SIPA1L3: variants seen among roughly 807,000 people sequenced by gnomAD.
SIPA1L3 encodes signal induced proliferation associated 1 like 3, also known as signal-induced proliferation-associated 1-like protein 3.
Under a neutral mutation model 150.1 loss-of-function variants are expected in SIPA1L3, and 59 were observed. The ratio of observed to expected loss-of-function variants is 0.39; its 90% CI spans 0.32 to 0.49. SIPA1L3 has a LOEUF of 0.49. SIPA1L3 is among the 20% of genes least tolerant of loss of function. SIPA1L3 has a pLI of 0.86. For synonymous variants in SIPA1L3, 1,070 were observed against 1,077.6 expected, an observed-to-expected ratio of 0.99 and a Z score of 0.14; for missense variants, 2,211 against 2,489.5, an observed-to-expected ratio of 0.89 and a Z score of 2.38.
intron 18 of SIPA1L3, among the ~76,000 whole-genome samples, chr19:38,194,055 C>T (rs1411063262): frequency 1.3e-5 from 2 of 152,054 alleles, no homozygotes; most frequent in Non-Finnish European, 2.9e-5. Context: ...GAGAAGAAGT[C>T]CACCCTCAGG....
At chr19:38,084,736 T>A (rs1970088224) in intron 3 of SIPA1L3, among the ~76,000 whole-genome samples, 1 of 150,354 alleles carries the variant, frequency 6.7e-6, no homozygotes, top group Non-Finnish European at 1.5e-5. Context: ...GCCTCCTGGG[T>A]TCACGCGATT....
chr19:38,177,041 A>G (rs1972450906), intron 15 of SIPA1L3, among the ~76,000 whole-genome samples: 1 of 152,054 alleles, frequency 6.6e-6, no homozygotes, highest in Non-Finnish European at 1.5e-5. Flanking sequence ...CTTACCTTGC[A>G]AGAAATACAG....
chr19:37,917,263 C>T (rs998429091), intron 1 of SIPA1L3, among the ~76,000 whole-genome samples: 1 of 152,150 alleles, frequency 6.6e-6, no homozygotes, highest in African/African-American at 2.4e-5. Context: ...CCACATCGGA[C>T]AGCACTGGCC....
Position 38,077,661 on chromosome 19 carries a change from C to CT in SIPA1L3, c.-310-3568dup, listed in dbSNP as rs58788182. Among the ~76,000 whole-genome samples the CT allele has an allele frequency of 6.7e-3, 431 of 64,272 alleles. 64 individuals are homozygous for CT. Among genetic ancestry groups the CT allele is most frequent in the Non-Finnish European group, 7.7e-3 (271 of 35,184 alleles). 42.2% of individuals were successfully genotyped at this position (64,272 alleles called of 152,430 possible). On this transcript the variant is annotated intron_variant, in intron 2 of 21. Transcript: ENST00000222345. The stretch of plus-strand genomic sequence containing the variant: ...TTTTTTCTTTTTTCTTTTTCTTTTT[C>CT]TTTTTTTTTTTTTTTTTTTTTTTTT...
At chr19:38,113,133 C>A (rs916045156) in intron 8 of SIPA1L3, among the ~76,000 whole-genome samples, 1 of 151,990 alleles carries the variant, frequency 6.6e-6, no homozygotes, top group Non-Finnish European at 1.5e-5. Context: ...ATCGCTTGAA[C>A]CCAGGAGGCA....
rs370450061 is a variant in SIPA1L3, at chr19:38,108,191, C to T, written c.2133+1551C>T. Among the ~76,000 whole-genome samples, 271 of 152,174 alleles carry T rather than the reference C, an allele frequency of 1.8e-3. 2 individuals carry two copies. Among genetic ancestry groups the T allele is most frequent in the African/African-American group, 6.3e-3 (260 of 41,522 alleles). Reference sequence around the variant, plus strand: ...CCATATACTCCTGCGGCAACCGGAGCGTGACAGGGCCCGACACACAGGAGG... The same window carrying T: ...CCATATACTCCTGCGGCAACCGGAGTGTGACAGGGCCCGACACACAGGAGG... On this transcript the variant is annotated intron_variant, in intron 7 of 21. Transcript: ENST00000222345.
At chr19:38,030,814 C>T (rs1365360093) in intron 2 of SIPA1L3, among the ~76,000 whole-genome samples, 8 of 152,074 alleles carry the variant, frequency 5.3e-5, no homozygotes, top group South Asian at 2.1e-4. Context: ...TTTGCAGTGA[C>T]GCCTTCCTGG....
chr19:38,057,439 C>A (rs1169711297), intron 2 of SIPA1L3, among the ~76,000 whole-genome samples: 1 of 151,738 alleles, frequency 6.6e-6, no homozygotes, highest in Non-Finnish European at 1.5e-5. Flanking sequence ...CGAGTCTTTC[C>A]TGTCTTTTTT....
chr19:38,201,550 G>A (rs539709769), intron 19 of SIPA1L3, among the ~76,000 whole-genome samples: 6 of 152,270 alleles, frequency 3.9e-5, no homozygotes, highest in Admixed American at 2.6e-4. Context: ...TTGAGAGCAC[G>A]CCAGGTTCGG....
At chr19:38,148,350 C>CAAA (rs765823221) in intron 12 of SIPA1L3, among the ~76,000 whole-genome samples, 1 of 128,790 alleles carries the variant, frequency 7.8e-6, no homozygotes, top group Admixed American at 7.9e-5. Flanking sequence ...GACTCCATCT[C>CAAA]AAAAAAAAAA....
chr19:38,102,655 C>T (rs1970532275), intron 6 of SIPA1L3, among the ~76,000 whole-genome samples: 1 of 150,032 alleles, frequency 6.7e-6, no homozygotes, highest in Non-Finnish European at 1.5e-5. Flanking sequence ...TGGATATGCT[C>T]TTACACAGTG....
rs757580700 is a variant in SIPA1L3 at position 38,088,725 on chromosome 19, T to C, written c.1539T>C (p.His513=). The C allele has an allele frequency of 3.1e-6, 5 of 1,613,650 alleles. No individual in the cohort carries two copies. The highest frequency in any genetic ancestry group is 4.2e-6 in the Non-Finnish European group (5 of 1,179,716). The stretch of plus-strand genomic sequence containing the variant: ...TCGCCTGCTCTTCCTTCTTAGAACA[T>C]GCCAATTACTTCGGCGTGGATGAGA... ...YYQDYFVGKE[H]ANYFGVDEKL... The change falls in exon 4 of 22, where the codon CAT becomes CAC. Residue 513 remains histidine, a synonymous_variant. Coordinates refer to ENST00000222345, the MANE Select transcript of SIPA1L3 (RefSeq NM_015073.3).
intron 2 of SIPA1L3, among the ~76,000 whole-genome samples, chr19:38,077,649 CTTTTTCTTTTTCTTTTTT>C (rs1261627778): frequency 1.4e-5 from 1 of 72,482 alleles, no homozygotes; most frequent in African/African-American, 6.1e-5. Context: ...TTTCTTTTTT[CTTTTTCTTTTTCTTTTTT>C]TTTTTTTTTT....
At chr19:38,196,490 A>G (rs1972946988) in intron 18 of SIPA1L3, among the ~76,000 whole-genome samples, 1 of 142,616 alleles carries the variant, frequency 7.0e-6, no homozygotes, top group Non-Finnish European at 1.5e-5. Context: ...TGTGGATGTC[A>G]AGGCGGAGCA....
At chr19:38,114,619 T>C (rs1970840879) in intron 8 of SIPA1L3, among the ~76,000 whole-genome samples, 1 of 152,178 alleles carries the variant, frequency 6.6e-6, no homozygotes, top group South Asian at 2.1e-4. Context: ...CTTTGAAGCA[T>C]GTCCGCTCTG....
rs1412236469 is a variant in SIPA1L3, at chr19:38,110,366, C to T, written c.2273C>T (p.Thr758Ile). 3.1e-6 allele frequency: 5 copies of T among 1,613,890 alleles called. No individual in the cohort carries two copies. In the Admixed American group the frequency reaches 6.7e-5, roughly 22 times the overall value. The change falls in exon 8 of 22, where the codon ACT (threonine) becomes ATT (isoleucine). Residue 758 changes from threonine (T) to isoleucine (I), a missense_variant. By Grantham distance (89) the Thr-to-Ile change is moderately conservative. Transcript: ENST00000222345. ...ATTGTCCGAGTCCACAACCCCTGCA[C>T]TGATAACGTCTGTTACAGGTATGCC... is the stretch of plus-strand genomic sequence containing the variant. The part of the protein sequence containing the change: ...FIIVRVHNPC[T>I]DNVCYSMAVT...
intron 1 of SIPA1L3, among the ~76,000 whole-genome samples, chr19:37,978,931 G>A (rs1178364401): frequency 6.6e-6 from 1 of 151,996 alleles, no homozygotes. Context: ...AGCTGTGATC[G>A]CACCACTGCA....
At chr19:37,956,845 T>G (rs2046816053) in intron 1 of SIPA1L3, among the ~76,000 whole-genome samples, 1 of 152,202 alleles carries the variant, frequency 6.6e-6, no homozygotes, top group Admixed American at 6.5e-5. Context: ...TGGATTGTGC[T>G]TTTGGTATTA....
At chr19:38,183,440 A>T (rs1441412910) in intron 16 of SIPA1L3, among the ~76,000 whole-genome samples, 1 of 151,692 alleles carries the variant, frequency 6.6e-6, no homozygotes, top group Non-Finnish European at 1.5e-5. Context: ...GGCAGGGTGG[A>T]TGTGGTGTGA....
Sources: gnomAD v4.1 joint callset for allele counts (sites outside exome capture counted in the v4.1 genomes callset) on GRCh38, gnomAD v4.1.1 for gene constraint, MANE v1.5 for transcripts, NCBI Gene and HGNC (gene_info 2026-07-23, HGNC 2026-07-21) for gene names.